Variants in NEO1 observed in about 807,000 individuals in gnomAD.
The protein encoded by NEO1 is neogenin 1, also known as neogenin.
NEO1 carries 63 observed loss-of-function variants against 159.7 expected under a neutral mutation model. The ratio of observed to expected loss-of-function variants is 0.39; its 90% CI spans 0.32 to 0.49. NEO1 has a LOEUF of 0.49. NEO1 is among the 20% of genes least tolerant of loss of function. The pLI is 0.85. For missense variants in NEO1, 1,615 were observed against 1,831.0 expected, an observed-to-expected ratio of 0.88 and a Z score of 2.15; for synonymous variants, 633 against 662.0, an observed-to-expected ratio of 0.96 and a Z score of 0.67.
chr15:73,054,481 A>G (rs1595876403), intron 1 of NEO1, among the ~76,000 whole-genome samples: 1 of 152,200 alleles, frequency 6.6e-6, no homozygotes, highest in African/African-American at 2.4e-5. Flanking sequence ...TGGGTAGGAA[A>G]GATAGCCATC....
In NEO1 at chr15:73,298,422, G is replaced by A; in HGVS notation, c.3976G>A (p.Asp1326Asn). 1 of 1,614,172 alleles carries A rather than the reference G, an allele frequency of 6.2e-7. No homozygotes were observed. Among genetic ancestry groups the A allele is most frequent in the Non-Finnish European group, 8.5e-7 (1 of 1,180,036 alleles). ...SSQTCCTDHQDPEGATSSSYL... is the reference protein window; with the variant it reads ...SSQTCCTDHQNPEGATSSSYL... The stretch of plus-strand genomic sequence containing the variant: ...TCAAACATGCTGCACTGATCACCAG[G>A]ACCCTGAAGGTGCTACCAGCTCCTC... The change falls in exon 27 of 29, where the codon GAC (aspartate) becomes AAC (asparagine). Residue 1326 changes from aspartate to asparagine, a missense_variant. Around this residue, in one of 3 missense-constraint regions of NEO1, gnomAD observed 471 missense variants for 498.9 expected, o/e 0.94. Transcript: ENST00000261908.
chr15:73,242,378 T>C (rs965829803), intron 8 of NEO1, among the ~76,000 whole-genome samples: 1 of 152,116 alleles, frequency 6.6e-6, no homozygotes, highest in African/African-American at 2.4e-5. Flanking sequence ...ATTAAAAAAA[T>C]CATAAGGGAC....
At chr15:73,154,385 G>A (rs1282629010) in intron 5 of NEO1, among the ~76,000 whole-genome samples, 1 of 152,066 alleles carries the variant, frequency 6.6e-6, no homozygotes. Flanking sequence ...ATTTAAAAAT[G>A]TACAATAAAT....
At chr15:73,227,068 GACTGTT>G in intron 7 of NEO1, among the ~76,000 whole-genome samples, 1 of 152,252 alleles carries the variant, frequency 6.6e-6, no homozygotes, top group Non-Finnish European at 1.5e-5. Flanking sequence ...AATAATTATA[GACTGTT>G]ACTAAGTGAC....
chr15:73,256,485 G>C (rs1015239475), intron 13 of NEO1, among the ~76,000 whole-genome samples: 1 of 152,196 alleles, frequency 6.6e-6, no homozygotes, highest in Non-Finnish European at 1.5e-5. Flanking sequence ...GGACAACAGA[G>C]TAAGACTCTG....
chr15:73,288,188 G>A, intron 23 of NEO1, 125 bp from the exon 24 acceptor site: 1 of 770,434 alleles, frequency 1.3e-6, no homozygotes, highest in South Asian at 1.7e-5. Context: ...CAGGAGGTAT[G>A]TTTTTAGTTT....
At chr15:73,059,744 C>G (rs2067887804) in intron 1 of NEO1, among the ~76,000 whole-genome samples, 1 of 152,092 alleles carries the variant, frequency 6.6e-6, no homozygotes, top group Non-Finnish European at 1.5e-5. Context: ...TTAGAGTAGT[C>G]CTAACTTAGT....
At chr15:73,188,195 G>A (rs2036042772) in intron 7 of NEO1, among the ~76,000 whole-genome samples, 1 of 151,180 alleles carries the variant, frequency 6.6e-6, no homozygotes, top group South Asian at 2.1e-4. Context: ...ATTAAAAGGT[G>A]AGTTTAGTAT....
chr15:73,112,266 C>G (rs1195603367), intron 1 of NEO1, among the ~76,000 whole-genome samples: 1 of 152,006 alleles, frequency 6.6e-6, no homozygotes, highest in East Asian at 1.9e-4. Context: ...CGGATCAAAT[C>G]CATCCAGCCA....
chr15:73,221,775 C>T (rs757249255), intron 7 of NEO1: 49 of 156,242 alleles, frequency 3.1e-4, no homozygotes, highest in African/African-American at 6.7e-4. Flanking sequence ...TTTTTAAGCC[C>T]GTCAGAAAAG....
intron 25 of NEO1, among the ~76,000 whole-genome samples, chr15:73,289,848 G>T (rs1364165384): frequency 6.6e-6 from 1 of 152,162 alleles, no homozygotes; most frequent in Non-Finnish European, 1.5e-5. Flanking sequence ...TACTCAGGTG[G>T]CTGAGGCATG....
chr15:73,105,008 A>G (rs2070609911), intron 1 of NEO1, among the ~76,000 whole-genome samples: 1 of 152,348 alleles, frequency 6.6e-6, no homozygotes, highest in East Asian at 1.9e-4. Context: ...CCCAAACTGT[A>G]TCATAGGCAG....
intron 1 of NEO1, among the ~76,000 whole-genome samples, chr15:73,090,752 C>T (rs1405353816): frequency 4.6e-5 from 7 of 152,046 alleles, no homozygotes; most frequent in African/African-American, 1.7e-4. Context: ...TACATGTTAC[C>T]TCCTGTTCCT....
intron 28 of NEO1, chr15:73,301,666 A>C: frequency 8.4e-6 from 5 of 597,584 alleles, no homozygotes; most frequent in South Asian, 2.3e-5. Flanking sequence ...TCTTTCCCAT[A>C]TCCACTCTTT....
rs1407080224 is a variant in NEO1 at position 73,293,496 on chromosome 15, C to T, written c.3849C>T (p.Ser1283=). 1.9e-6 allele frequency: 3 copies of T among 1,614,088 alleles called. No homozygotes were observed. The highest frequency in any genetic ancestry group is 1.3e-5 in the African/African-American group (1 of 74,922). The change falls in exon 26 of 29, where the codon AGC becomes AGT. Residue 1283 remains serine (S), a synonymous_variant. Coordinates refer to ENST00000261908, the MANE Select transcript of NEO1 (RefSeq NM_002499.4). ...GCAGTCATCTCTACCACCCGGGCAG[C>T]CCATGGCCCATTGGCACATCCATGT... ...PARSHLYHPG[S]PWPIGTSMSL... is the part of the protein sequence containing the mutation.
Position 73,086,946 on chromosome 15 carries a change from G to A in NEO1, c.131-29594G>A, listed in dbSNP as rs560320337. 8.9e-4 allele frequency among the ~76,000 whole-genome samples: 135 copies of A among 152,120 alleles called. 1 individual carries two copies. The highest frequency in any genetic ancestry group is 1.6e-4 in the Non-Finnish European group (11 of 68,014). On this transcript the variant is annotated intron_variant, in intron 1 of 28. Coordinates refer to ENST00000261908, the MANE Select transcript of NEO1 (RefSeq NM_002499.4). ...GCTGGGATTACATGCGTGAGCCACC[G>A]CGCCTAGCCAGAAACAATTTTATTT...
upstream of NEO1, chr15:73,052,409 A>ACCCCCCC (rs1567080765): frequency 4.6e-4 from 4 of 8,684 alleles, no homozygotes; most frequent in South Asian, 4.0e-3. Flanking sequence ...AGACCGACCC[A>ACCCCCCC]CCGCCCCCCC....
Position 73,283,172 on chromosome 15 carries a change from C to T in NEO1, c.3410+61C>T, listed in dbSNP as rs567669243. 3.6e-5 allele frequency: 56 copies of T among 1,565,794 alleles called. No homozygotes were observed. The East Asian group carries it at 1.2e-3, about 34-fold the overall frequency. The stretch of plus-strand genomic sequence containing the variant: ...CATCTTATCTTTTGCTTCCATGTGA[C>T]TTCTGTATATGGAGTGGTACACAAA... On this transcript the variant is annotated intron_variant, in intron 23 of 28. Coordinates refer to ENST00000261908, the MANE Select transcript of NEO1 (RefSeq NM_002499.4).
chr15:73,134,585 C>G (rs2031529660), intron 4 of NEO1, among the ~76,000 whole-genome samples: 2 of 148,966 alleles, frequency 1.3e-5, no homozygotes, highest in Admixed American at 6.7e-5. Flanking sequence ...GAGTCTTGCT[C>G]TGTTGCCCAA....
Sources: allele counts gnomAD v4.1 joint callset (sites outside exome capture counted in the v4.1 genomes callset), GRCh38; gene constraint gnomAD v4.1.1; regional missense constraint gnomAD v4.1.1; transcripts MANE v1.5; gene names NCBI Gene and HGNC (gene_info 2026-07-23, HGNC 2026-07-21).